MARK4: variants seen among roughly 807,000 people sequenced by gnomAD.
MARK4 encodes the protein MAP/microtubule affinity-regulating kinase 4.
Under a neutral mutation model 81.5 loss-of-function variants are expected in MARK4, and 19 were observed. The observed-to-expected ratio is 0.23, with a 90% CI of 0.16 to 0.34. The LOEUF (loss-of-function observed/expected upper bound fraction) is 0.34, where lower values mean the gene tolerates loss of function less well. MARK4 is among the 10% of genes least tolerant of loss of function. MARK4 has a pLI of 1.00. For missense variants in MARK4, 772 were observed against 1,058.8 expected (o/e 0.73, Z 3.76); for synonymous variants, 436 against 439.0 (o/e 0.99, Z 0.08).
intron 12 of MARK4, among the ~76,000 whole-genome samples, chr19:45,285,797 C>T (rs1413608582): frequency 1.3e-5 from 2 of 152,136 alleles, no homozygotes; most frequent in Non-Finnish European, 2.9e-5. Flanking sequence ...GAGCATGTAT[C>T]GCTCCTGAGG....
At chr19:45,276,624 T>A (rs1970600996) in intron 8 of MARK4, among the ~76,000 whole-genome samples, 1 of 114,004 alleles carries the variant, frequency 8.8e-6, no homozygotes, top group African/African-American at 3.6e-5. Context: ...TTTTACAGAT[T>A]TTTTTTTTTT....
chr19:45,302,885 G>T lies in MARK4; in HGVS notation c.*175G>T, dbSNP rs1023075592. 4.4e-5 allele frequency: 47 copies of T among 1,071,026 alleles called. No individual in the cohort carries two copies. The highest frequency in any genetic ancestry group is 2.5e-4 in the South Asian group (15 of 59,846). 66.3% of individuals were successfully genotyped at this position (1,071,026 alleles called of 1,614,324 possible). A position where few individuals can be genotyped will look rare whatever the true frequency, so the allele number is the denominator to read the frequency against. On this transcript the variant is annotated 3_prime_UTR_variant, in exon 17 of 17. Transcript: ENST00000262891. The surrounding 1 kb of genome is among the most constrained non-coding windows in gnomAD (Gnocchi z 4.9). ...TTCTCTGGGGCCGCTCAGCACAGAA[G>T]AAGGATGAGGGGGCTCAGCGGGGGG... is the stretch of plus-strand genomic sequence containing the variant.
chr19:45,303,018 G>A lies in MARK4; in HGVS notation c.*308G>A, dbSNP rs1034894738. On this transcript the variant is annotated 3_prime_UTR_variant, in exon 17 of 17. Coordinates refer to ENST00000262891, the MANE Select transcript of MARK4 (RefSeq NM_001199867.2). Reference sequence around the variant, plus strand: ...GGGCAGGGGCAGGGAGGGAAACTGAGGAAATCTTCCATTCCTCCCAACAGC... The same window carrying A: ...GGGCAGGGGCAGGGAGGGAAACTGAAGAAATCTTCCATTCCTCCCAACAGC... The A allele has an allele frequency of 2.3e-6, 1 of 432,432 alleles. No homozygotes were observed. The allele number at this position is 432,432 out of a possible 1,614,324, so 26.8% of individuals were successfully genotyped here.
chr19:45,296,150 T>G (rs761970004), intron 14 of MARK4, among the ~76,000 whole-genome samples: 1 of 152,116 alleles, frequency 6.6e-6, no homozygotes, highest in Non-Finnish European at 1.5e-5. Flanking sequence ...TTGTAATCAC[T>G]GTAGTACATG....
At chr19:45,277,672 A>ATTT (rs1361156236) in intron 8 of MARK4, among the ~76,000 whole-genome samples, 1 of 148,370 alleles carries the variant, frequency 6.7e-6, no homozygotes, top group Non-Finnish European at 1.5e-5. Flanking sequence ...CTGGCCAAGA[A>ATTT]TTTTTTTTTT....
At chr19:45,274,904 C>T (rs1373378065) in intron 8 of MARK4, among the ~76,000 whole-genome samples, 1 of 152,192 alleles carries the variant, frequency 6.6e-6, no homozygotes, top group Non-Finnish European at 1.5e-5. Flanking sequence ...CATTTCCTTT[C>T]TGAGTGACCT....
At position 45,251,597 on chromosome 19, in the gene MARK4, G is replaced by A. The variant is rs1159310187; in HGVS notation, c.9G>A (p.Ser3=). MS[S]RTVLAPGNDR... is the part of the protein sequence containing the mutation. ...CCCGGGACCCGGAGAAGATGTCTTC[G>A]CGGACGGTGCTGGCCCCGGGCAACG... is the stretch of plus-strand genomic sequence containing the variant. Residue 3 remains serine (S), a synonymous_variant, in exon 1 of 17, where the codon TCG becomes TCA. Transcript: ENST00000262891. 12 of 1,365,882 alleles carry A rather than the reference G, an allele frequency of 8.8e-6. No individual in the cohort carries two copies. The highest frequency in any genetic ancestry group is 1.1e-5 in the Non-Finnish European group (12 of 1,061,076). 84.6% of individuals were successfully genotyped at this position (1,365,882 alleles called of 1,614,324 possible). A position where few individuals can be genotyped will look rare whatever the true frequency, so the allele number is the denominator to read the frequency against.
chr19:45,293,620 TAAAG>T (rs1970846735), intron 13 of MARK4, among the ~76,000 whole-genome samples: 1 of 152,222 alleles, frequency 6.6e-6, no homozygotes, highest in Non-Finnish European at 1.5e-5. Context: ...TCCAAACACT[TAAAG>T]AAGAAATAAC....
rs769710276 is a variant in MARK4 at position 45,263,096 on chromosome 19, C to T, written c.253-17C>T. 5 of 1,598,312 alleles carry T rather than the reference C, an allele frequency of 3.1e-6. No individual in the cohort carries two copies. In the South Asian group the frequency reaches 4.5e-5, roughly 14 times the overall value. On this transcript the variant is annotated splice_polypyrimidine_tract_variant and intron_variant, in intron 2 of 16. Transcript: ENST00000262891. ...TGTGGCACCTTGACCGTCCCTCCTC[C>T]TTTCCTCCCCCTCTAGGTTGCCATC... is the stretch of plus-strand genomic sequence containing the variant.
Position 45,302,566 on chromosome 19 carries a change from G to GC in MARK4, c.2118dup (p.Glu707ArgfsTer136), listed in dbSNP as rs931404493. 1.3e-6 allele frequency: 2 copies of GC among 1,575,226 alleles called. No individual in the cohort carries two copies. Among genetic ancestry groups the GC allele is most frequent in the Non-Finnish European group, 8.6e-7 (1 of 1,168,688 alleles). ...CCTGCCTGCACGGGGGTGCGGGCGG[G>GC]CCCGAGCCCCTGTCCCACTTCGAAG... On this transcript the variant is annotated frameshift_variant, in exon 17 of 17. Transcript: ENST00000262891. LOFTEE classifies it high-confidence loss of function. The surrounding 1 kb of genome is among the most constrained non-coding windows in gnomAD (Gnocchi z 4.9).
rs1002209518 is a variant in MARK4, at chr19:45,303,882, A to G, written c.*1172A>G. On this transcript the variant is annotated 3_prime_UTR_variant, in exon 17 of 17. Transcript: ENST00000262891. ...GGGTGTTGAAGGATGAGTAGGAGTT[A>G]GTTAGGCATTGAGTTTGCCCTGGGC... The G allele has an allele frequency of 6.6e-6, 1 of 152,248 alleles. No homozygotes were observed. The highest frequency in any genetic ancestry group is 1.5e-5 in the Non-Finnish European group (1 of 68,048). 9.4% of individuals were successfully genotyped at this position (152,248 alleles called of 1,614,324 possible).
At chr19:45,277,894 C>G in intron 8 of MARK4, 29 bp from the exon 9 acceptor site, 1 of 1,597,854 alleles carries the variant, frequency 6.3e-7, no homozygotes, top group Non-Finnish European at 8.5e-7. Flanking sequence ...CGGGGCAGAC[C>G]CCCTCCTCCA....
intron 8 of MARK4, among the ~76,000 whole-genome samples, chr19:45,277,580 G>C (rs1970614567): frequency 3.3e-5 from 5 of 151,230 alleles, no homozygotes. Context: ...TTTATTTTTT[G>C]TAGAGATGAG....
chr19:45,291,565 G>A (rs1970820986), intron 13 of MARK4, among the ~76,000 whole-genome samples: 1 of 152,080 alleles, frequency 6.6e-6, no homozygotes, highest in African/African-American at 2.4e-5. Context: ...GGCGGATCAC[G>A]AGGTCAGGAG....
At chr19:45,267,804 G>A (rs961628398) in intron 7 of MARK4, among the ~76,000 whole-genome samples, 2 of 151,920 alleles carry the variant, frequency 1.3e-5, no homozygotes, top group African/African-American at 2.4e-5. Context: ...GGAACCACAG[G>A]TGTGAGCCAC....
Position 45,271,789 on chromosome 19 carries a change from G to T in MARK4, c.786+81G>T. ...ATCCCCCCCACACCTCCCCTGCAGAGGGCCTCAGTGGTGGGACTGGCCTGA... is the reference window on the plus strand; with the variant it reads ...ATCCCCCCCACACCTCCCCTGCAGATGGCCTCAGTGGTGGGACTGGCCTGA... On this transcript the variant is annotated intron_variant, in intron 8 of 16. Transcript: ENST00000262891. This position sits in a 1 kb window ranked among gnomAD's most constrained non-coding sequence, Gnocchi z 4.1. The T allele has an allele frequency of 7.6e-7, 1 of 1,322,514 alleles. No homozygotes were observed. The highest frequency in any genetic ancestry group is 1.1e-6 in the Non-Finnish European group (1 of 952,052). The allele number at this position is 1,322,514 out of a possible 1,614,324, so 81.9% of individuals were successfully genotyped here.
At chr19:45,270,640 C>T (rs1338268690) in intron 7 of MARK4, among the ~76,000 whole-genome samples, 3 of 152,146 alleles carry the variant, frequency 2.0e-5, no homozygotes, top group Non-Finnish European at 2.9e-5. Context: ...CACTCTGTTG[C>T]TCAGGCTGGA....
At chr19:45,268,005 A>C (rs996553760) in intron 7 of MARK4, among the ~76,000 whole-genome samples, 1 of 152,048 alleles carries the variant, frequency 6.6e-6, no homozygotes, top group African/African-American at 2.4e-5. Flanking sequence ...CACGTTGGCC[A>C]GGCTGGTCTC....
intron 13 of MARK4, among the ~76,000 whole-genome samples, chr19:45,289,878 C>T (rs1970799150): frequency 6.6e-6 from 1 of 152,172 alleles, no homozygotes. Flanking sequence ...GGGTGGATTG[C>T]TTGAGCTCAG....
Sources: allele counts gnomAD v4.1 joint callset (sites outside exome capture counted in the v4.1 genomes callset), GRCh38; gene constraint gnomAD v4.1.1; non-coding constraint Gnocchi (gnomAD v3.1); transcripts MANE v1.5; gene names NCBI Gene and HGNC (gene_info 2026-07-23, HGNC 2026-07-21).